CFAP251: variants seen among roughly 807,000 people sequenced by gnomAD.
The protein encoded by CFAP251 is cilia- and flagella-associated protein 251.
Under a neutral mutation model 126.7 loss-of-function variants are expected in CFAP251, and 93 were observed. The observed-to-expected ratio is 0.73, with a 90% CI of 0.62 to 0.87. The LOEUF is 0.87. CFAP251 is among the 40% of genes least tolerant of loss of function. CFAP251 has a pLI of 0.00. For missense variants in CFAP251, 1,287 were observed against 1,389.2 expected (o/e 0.93, Z 1.17); for synonymous variants, 503 against 506.9 (o/e 0.99, Z 0.10).
chr12:121,979,483 G>A (rs1035482435), intron 19 of CFAP251, among the ~76,000 whole-genome samples: 9 of 151,844 alleles, frequency 5.9e-5, no homozygotes, highest in African/African-American at 2.2e-4. Flanking sequence ...TCCTGGGGGT[G>A]CTCACTGCGG....
At position 121,954,281 on chromosome 12, in the gene CFAP251, TA is replaced by T. The variant is rs1565911284; in HGVS notation, c.1485del (p.Lys495AsnfsTer45). The T allele has an allele frequency of 6.2e-7, 1 of 1,614,174 alleles. No homozygotes were observed. Among genetic ancestry groups the T allele is most frequent in the Admixed American group, 1.7e-5 (1 of 60,022 alleles). ...TGGGCTTTCCCTATATCAAGCCTTG[TA>T]AATTGGTTCATTTGCAGAAAGAGGG... The part of the protein sequence containing the change: ...FLGFPYIKPC[K>X]LVHLQKEGIT... On this transcript the variant is annotated frameshift_variant, in exon 10 of 22. Transcript: ENST00000288912. LOFTEE classifies it high-confidence loss of function.
chr12:121,921,535 CTG>C lies in CFAP251; in HGVS notation c.231_232del (p.Glu78GlyfsTer38). The C allele has an allele frequency of 6.2e-7, 1 of 1,612,710 alleles. No individual in the cohort carries two copies. The highest frequency in any genetic ancestry group is 8.5e-7 in the Non-Finnish European group (1 of 1,179,716). ...GACAAAAAGATTGTCATGGAAGAAA[CTG>C]AGGAAAAGGCTGGAGAAGTCCAAGA... is the stretch of plus-strand genomic sequence containing the variant. On this transcript the variant is annotated frameshift_variant, in exon 2 of 22. Coordinates refer to ENST00000288912, the MANE Select transcript of CFAP251 (RefSeq NM_144668.6). LOFTEE classifies it high-confidence loss of function.
chr12:121,986,376 C>T (rs2135808427), intron 19 of CFAP251, among the ~76,000 whole-genome samples: 1 of 151,406 alleles, frequency 6.6e-6, no homozygotes, highest in East Asian at 2.0e-4. Flanking sequence ...CAGCTCACTG[C>T]AAGCTCCGCC....
intron 5 of CFAP251, among the ~76,000 whole-genome samples, chr12:121,938,737 C>T (rs1880988047): frequency 6.6e-6 from 1 of 150,662 alleles, no homozygotes; most frequent in Non-Finnish European, 1.5e-5. Context: ...AATCCCAGCA[C>T]TTTGGGAGGC....
At chr12:121,997,660 ATTC>A (rs1379459233) in intron 19 of CFAP251, 4 of 148,434 alleles carry the variant, frequency 2.7e-5, no homozygotes, top group African/African-American at 1.0e-4. Flanking sequence ...TAAGTACTTT[ATTC>A]TTCTTAATCC....
chr12:121,956,074 CAA>C (rs1197326449), intron 10 of CFAP251, among the ~76,000 whole-genome samples: 1 of 152,174 alleles, frequency 6.6e-6, no homozygotes, highest in East Asian at 1.9e-4. Context: ...AGAATTATGT[CAA>C]AGTCTTTTTT....
intron 19 of CFAP251, chr12:121,999,504 T>A (rs2135819700): frequency 2.4e-6 from 1 of 414,944 alleles, no homozygotes; most frequent in African/African-American, 2.0e-5. Context: ...CCAGGCTAAT[T>A]TTTGTATTTT....
chr12:121,976,663 T>C (rs896126311), intron 19 of CFAP251, among the ~76,000 whole-genome samples: 2 of 152,166 alleles, frequency 1.3e-5, no homozygotes, highest in African/African-American at 4.8e-5. Context: ...CCAAACACTT[T>C]GGGATGCCAA....
intron 3 of CFAP251, among the ~76,000 whole-genome samples, chr12:121,926,671 G>A (rs1413678553): frequency 2.0e-5 from 3 of 152,086 alleles, no homozygotes; most frequent in African/African-American, 7.2e-5. Flanking sequence ...TTGGCCGGGC[G>A]CGGTGGCTCA....
Position 121,921,329 on chromosome 12 carries a change from C to T in CFAP251, c.24C>T (p.Pro8=), listed in dbSNP as rs1880161541. 6.3e-7 allele frequency: 1 copy of T among 1,597,458 alleles called. No homozygotes were observed. ...GAATGTCAGATGCAGCAGAAGCTCC[C>T]CGAGAAGCAACAGGAGAAAATGGAG... MSDAAEA[P]REATGENGET... Residue 8 remains proline (P), a synonymous_variant, in exon 2 of 22, where the codon CCC becomes CCT. Transcript: ENST00000288912.
At chr12:121,995,782 G>A (rs1286774774) in intron 19 of CFAP251, among the ~76,000 whole-genome samples, 1 of 152,172 alleles carries the variant, frequency 6.6e-6, no homozygotes, top group Non-Finnish European at 1.5e-5. Flanking sequence ...CACCATGCCT[G>A]ACCTGGAATG....
intron 10 of CFAP251, among the ~76,000 whole-genome samples, chr12:121,955,520 A>ACCC (rs1881697872): frequency 6.6e-6 from 1 of 152,138 alleles, no homozygotes; most frequent in South Asian, 2.1e-4. Flanking sequence ...ATATGGATGC[A>ACCC]CATGCTTGGT....
At position 121,973,992 on chromosome 12, in the gene CFAP251, C is replaced by T. The variant is rs148452180; in HGVS notation, c.2772-1252C>T. Among the ~76,000 whole-genome samples, 1,186 of 152,138 alleles carry T rather than the reference C, an allele frequency of 7.8e-3. 15 individuals are homozygous for T. The highest frequency in any genetic ancestry group is 0.028 in the African/African-American group (1,143 of 41,492). ...CATGAGATTTGGGAGGGGTCAGAGG[C>T]GGAATGATATGGTTTGGCTGTGTCT... On this transcript the variant is annotated intron_variant, in intron 17 of 21. Transcript: ENST00000288912.
intron 5 of CFAP251, among the ~76,000 whole-genome samples, chr12:121,935,044 C>T (rs764723409): frequency 6.6e-6 from 1 of 152,194 alleles, no homozygotes; most frequent in Non-Finnish European, 1.5e-5. Context: ...TCAAGAGATC[C>T]TCCCATCTTG....
At chr12:121,920,958 C>T (rs948442449) in intron 1 of CFAP251, among the ~76,000 whole-genome samples, 2 of 152,264 alleles carry the variant, frequency 1.3e-5, no homozygotes, top group South Asian at 2.1e-4. Flanking sequence ...AAGCGATTCT[C>T]CTGCCTCAGC....
chr12:121,935,362 C>G (rs1408466888), intron 5 of CFAP251, among the ~76,000 whole-genome samples: 3 of 152,144 alleles, frequency 2.0e-5, no homozygotes, highest in African/African-American at 7.2e-5. Flanking sequence ...AACCCCACAC[C>G]CAGGTTCCCA....
intron 17 of CFAP251, chr12:121,969,002 G>T: frequency 1.0e-6 from 1 of 985,350 alleles, no homozygotes; most frequent in Non-Finnish European, 1.2e-6. Flanking sequence ...CCATGTGGCA[G>T]CCGGTTCCTG....
At chr12:121,953,975 C>A in intron 9 of CFAP251, 145 bp from the exon 10 acceptor site, 1 of 806,140 alleles carries the variant, frequency 1.2e-6, no homozygotes, top group South Asian at 1.9e-5. Context: ...CATGGCAATT[C>A]ATGGGAGACG....
intron 15 of CFAP251, among the ~76,000 whole-genome samples, chr12:121,963,952 G>A (rs1402932841): frequency 2.0e-5 from 3 of 151,974 alleles, no homozygotes; most frequent in Admixed American, 6.6e-5. Flanking sequence ...CTGGAAAGAA[G>A]GATGGAGGCA....
Sources: gnomAD v4.1 joint callset for allele counts (sites outside exome capture counted in the v4.1 genomes callset) on GRCh38, gnomAD v4.1.1 for gene constraint, MANE v1.5 for transcripts, NCBI Gene and HGNC (gene_info 2026-07-23, HGNC 2026-07-21) for gene names.